Variants in MAGI2 observed in about 807,000 individuals in gnomAD.
MAGI2 encodes membrane associated guanylate kinase, WW and PDZ domain containing 2.
Under a neutral mutation model 133.3 loss-of-function variants are expected in MAGI2, and 35 were observed. The ratio of observed to expected loss-of-function variants is 0.26; its 90% CI spans 0.20 to 0.35. The LOEUF is 0.35. MAGI2 is among the 10% of genes least tolerant of loss of function. The pLI is 1.00. For synonymous variants in MAGI2, 729 were observed against 710.6 expected (o/e 1.03, Z -0.41); for missense variants, 1,636 against 1,863.4 (o/e 0.88, Z 2.25).
At chr7:79,206,159 A>G (rs922795582) in intron 1 of MAGI2, among the ~76,000 whole-genome samples, 3 of 151,584 alleles carry the variant, frequency 2.0e-5, no homozygotes, top group Admixed American at 2.0e-4. Context: ...CTAATGTTGC[A>G]TCATAAGAAA....
chr7:78,157,401 T>A (rs1351583604), intron 16 of MAGI2, among the ~76,000 whole-genome samples: 1 of 152,210 alleles, frequency 6.6e-6, no homozygotes, highest in Non-Finnish European at 1.5e-5. Flanking sequence ...GAAGAAAAAT[T>A]CACATGTTAA....
intron 6 of MAGI2, chr7:78,487,077 C>G (rs1197182521): frequency 2.4e-6 from 1 of 418,438 alleles, no homozygotes; most frequent in Non-Finnish European, 4.7e-6. Flanking sequence ...TGATAGGCTA[C>G]GGTCCTGTTC....
chr7:79,146,288 T>C lies in MAGI2; in HGVS notation c.302-139082A>G, dbSNP rs534394546. Among the ~76,000 whole-genome samples, 11 of 152,350 alleles carry C rather than the reference T, an allele frequency of 7.2e-5. No homozygotes were observed. In the East Asian group the frequency reaches 2.1e-3, roughly 29 times the overall value. ...TTTTTCAGGCAACCACACCTTTTTGTGCTTTGTACCACTCATGATCTTGTT... is the reference window on the plus strand; with the variant it reads ...TTTTTCAGGCAACCACACCTTTTTGCGCTTTGTACCACTCATGATCTTGTT... On this transcript the variant is annotated intron_variant, in intron 1 of 21. Coordinates refer to ENST00000354212, the MANE Select transcript of MAGI2 (RefSeq NM_012301.4).
At position 78,292,923 on chromosome 7, in the gene MAGI2, A is replaced by T. The variant is rs535841538; in HGVS notation, c.1409-36342T>A. Among the ~76,000 whole-genome samples, 175 of 152,322 alleles carry T rather than the reference A, an allele frequency of 1.1e-3. 1 individual carries two copies. The highest frequency in any genetic ancestry group is 9.9e-3 in the Admixed American group (151 of 15,288). ...TGGACCCCTTCCTTACATCTTATAC[A>T]AAAATTAATTCAAGATGGATTGAAG... is the stretch of plus-strand genomic sequence containing the variant. On this transcript the variant is annotated intron_variant, in intron 9 of 21. Transcript: ENST00000354212.
chr7:79,212,113 T>C (rs1181705685), intron 1 of MAGI2, among the ~76,000 whole-genome samples: 1 of 152,130 alleles, frequency 6.6e-6, no homozygotes, highest in Non-Finnish European at 1.5e-5. Context: ...TTATTTTACT[T>C]ATTACAATAC....
chr7:79,159,464 G>A (rs992910809), intron 1 of MAGI2, among the ~76,000 whole-genome samples: 2 of 148,724 alleles, frequency 1.3e-5, no homozygotes, highest in Non-Finnish European at 3.0e-5. Flanking sequence ...TTGCGGGTGA[G>A]CTGAGATCAC....
chr7:78,465,994 C>T (rs1244735583), intron 6 of MAGI2, among the ~76,000 whole-genome samples: 1 of 152,154 alleles, frequency 6.6e-6, no homozygotes, highest in Non-Finnish European at 1.5e-5. Flanking sequence ...CTATAGGACA[C>T]ACTTCTAAAT....
In MAGI2 at chr7:79,214,393, CTCTCTCTCTCTCTCTATATATATATA is replaced by C. The variant is rs1332808194; in HGVS notation, c.302-207213_302-207188del. Among the ~76,000 whole-genome samples the C allele has an allele frequency of 1.4e-4, 13 of 91,774 alleles. No homozygotes were observed. In the East Asian group the frequency reaches 2.3e-3, roughly 16 times the overall value. The allele number at this position is 91,774 out of a possible 152,430, so 60.2% of individuals were successfully genotyped here. On this transcript the variant is annotated intron_variant, in intron 1 of 21. Coordinates refer to ENST00000354212, the MANE Select transcript of MAGI2 (RefSeq NM_012301.4). The stretch of plus-strand genomic sequence containing the variant: ...TCTCTCTCTCTCTCTCTCTCTCTCT[CTCTCTCTCTCTCTCTATATATATATA>C]TATATATATATATATATATATATAA...
chr7:79,277,261 T>C (rs1399653603), intron 1 of MAGI2, among the ~76,000 whole-genome samples: 1 of 152,176 alleles, frequency 6.6e-6, no homozygotes, highest in African/African-American at 2.4e-5. Flanking sequence ...GCACATTGAT[T>C]ATGACTTGCT....
At chr7:78,868,762 C>T (rs201706784) in intron 2 of MAGI2, among the ~76,000 whole-genome samples, 1 of 150,714 alleles carries the variant, frequency 6.6e-6, no homozygotes, top group Admixed American at 6.6e-5. Context: ...GTAATACATA[C>T]TTTTTTTTTG....
intron 14 of MAGI2, 59 bp from the exon 15 acceptor site, chr7:78,168,167 T>G: frequency 3.3e-6 from 5 of 1,532,746 alleles, no homozygotes; most frequent in South Asian, 2.4e-5. Flanking sequence ...CCTTTTTTTT[T>G]TTTTTCGAAA....
At chr7:78,659,583 T>C (rs1812707477) in intron 2 of MAGI2, among the ~76,000 whole-genome samples, 2 of 151,924 alleles carry the variant, frequency 1.3e-5, no homozygotes, top group Admixed American at 6.6e-5. Context: ...ATTCTTGACA[T>C]GAAAAAATTA....
intron 1 of MAGI2, among the ~76,000 whole-genome samples, chr7:79,381,816 C>G (rs1331530912): frequency 1.3e-5 from 2 of 151,640 alleles, no homozygotes; most frequent in Admixed American, 6.6e-5. Flanking sequence ...TTTTTAGTTT[C>G]AAATATTTCC....
chr7:79,451,746 T>C (rs1193608872), intron 1 of MAGI2, among the ~76,000 whole-genome samples: 4 of 152,170 alleles, frequency 2.6e-5, no homozygotes, highest in Non-Finnish European at 5.9e-5. Context: ...ATGCAGGTAA[T>C]GACATGCTCA....
chr7:78,296,917 T>C (rs1249570917), intron 9 of MAGI2, among the ~76,000 whole-genome samples: 4 of 152,140 alleles, frequency 2.6e-5, no homozygotes, highest in Non-Finnish European at 5.9e-5. Context: ...GGAGTGCTTT[T>C]TTACACAGGG....
chr7:78,343,382 C>T (rs924612685), intron 9 of MAGI2, among the ~76,000 whole-genome samples: 1 of 152,114 alleles, frequency 6.6e-6, no homozygotes, highest in African/African-American at 2.4e-5. Context: ...ATTTCAATAA[C>T]TAACCTGGGT....
chr7:78,403,635 A>C (rs1234370989), intron 6 of MAGI2, among the ~76,000 whole-genome samples: 1 of 152,024 alleles, frequency 6.6e-6, no homozygotes, highest in East Asian at 1.9e-4. Context: ...AAGTGTTCCT[A>C]TTTCTCCACA....
At chr7:78,262,704 G>A (rs1245244794) in intron 9 of MAGI2, among the ~76,000 whole-genome samples, 1 of 152,066 alleles carries the variant, frequency 6.6e-6, no homozygotes, top group Non-Finnish European at 1.5e-5. Context: ...ACTATGAGCC[G>A]GGCATCATGT....
At chr7:78,988,073 A>G (rs1805432865) in intron 2 of MAGI2, among the ~76,000 whole-genome samples, 1 of 152,066 alleles carries the variant, frequency 6.6e-6, no homozygotes, top group African/African-American at 2.4e-5. Flanking sequence ...TGGCTTGTAA[A>G]TTCAACGTGG....
Sources: gnomAD v4.1 joint callset for allele counts (sites outside exome capture counted in the v4.1 genomes callset) on GRCh38, gnomAD v4.1.1 for gene constraint, MANE v1.5 for transcripts, NCBI Gene and HGNC (gene_info 2026-07-23, HGNC 2026-07-21) for gene names.